ME2: variants seen among roughly 807,000 people sequenced by gnomAD.
The protein encoded by ME2 is malic enzyme 2, also known as NAD-dependent malic enzyme, mitochondrial.
A neutral mutation model predicts 73.7 loss-of-function variants in ME2; 60 were observed. The observed-to-expected ratio is 0.81, with a 90% CI of 0.66 to 1.01. The LOEUF is 1.01. Among genes scored for constraint, ME2 ranks in the 50% least tolerant of loss-of-function variants. The pLI is 0.00. For missense variants in ME2, 594 were observed against 705.5 expected, an observed-to-expected ratio of 0.84 and a Z score of 1.79; for synonymous variants, 199 against 236.9, an observed-to-expected ratio of 0.84 and a Z score of 1.47.
At chr18:50,901,259 A>T (rs1916882651) in intron 2 of ME2, among the ~76,000 whole-genome samples, 1 of 152,220 alleles carries the variant, frequency 6.6e-6, no homozygotes, top group Non-Finnish European at 1.5e-5. Flanking sequence ...GTGTAAATGG[A>T]TTCTATCTCC....
rs1233957543 is a variant in ME2, at chr18:50,900,487, T to G, written c.108+4559T>G. 1.3e-5 allele frequency among the ~76,000 whole-genome samples: 2 copies of G among 151,572 alleles called. 1 individual carries two copies. The highest frequency in any genetic ancestry group is 6.3e-3 in the Middle Eastern group (2 of 316). On this transcript the variant is annotated intron_variant, in intron 2 of 15. Transcript: ENST00000321341. ...TTTTTTGTATTTTTAGTAGAGATGG[T>G]GTTTCACTGTGGTCGCGATCTGCTG... is the stretch of plus-strand genomic sequence containing the variant.
chr18:50,946,394 C>A (rs1918083236), intron 15 of ME2, among the ~76,000 whole-genome samples: 1 of 152,150 alleles, frequency 6.6e-6, no homozygotes, highest in Non-Finnish European at 1.5e-5. Context: ...AAGTAACTAC[C>A]TTGGGCAAGT....
intron 12 of ME2, among the ~76,000 whole-genome samples, chr18:50,927,496 C>T (rs1409813224): frequency 4.6e-5 from 7 of 151,498 alleles, no homozygotes; most frequent in Non-Finnish European, 8.8e-5. Flanking sequence ...GTCAGGAGAT[C>T]GAGACCATCC....
intron 6 of ME2, 130 bp downstream of exon 6, chr18:50,917,638 C>T: frequency 3.9e-6 from 2 of 518,770 alleles, no homozygotes. Flanking sequence ...TTAAACTCCA[C>T]TTTTAATATT....
At chr18:50,885,547 A>C (rs1405044554) in intron 1 of ME2, among the ~76,000 whole-genome samples, 1 of 152,114 alleles carries the variant, frequency 6.6e-6, no homozygotes, top group East Asian at 1.9e-4. Context: ...AACTTTTTTT[A>C]AATGACAATT....
chr18:50,895,388 T>A (rs1466022284), intron 1 of ME2, among the ~76,000 whole-genome samples: 1 of 152,218 alleles, frequency 6.6e-6, no homozygotes, highest in Non-Finnish European at 1.5e-5. Context: ...AGATTAAGAA[T>A]CAGGATAGTT....
chr18:50,914,831 C>G (rs1401591869), intron 4 of ME2, among the ~76,000 whole-genome samples: 2 of 152,124 alleles, frequency 1.3e-5, no homozygotes, highest in Admixed American at 6.5e-5. Flanking sequence ...TGTTCTAGAA[C>G]CTGCGTTTCT....
At chr18:50,939,872 C>G in intron 14 of ME2, 1 of 479,298 alleles carries the variant, frequency 2.1e-6, no homozygotes, top group Non-Finnish European at 3.7e-6. Flanking sequence ...ACTATACTTG[C>G]AATTTGTATA....
In ME2 at chr18:50,947,476, C is replaced by CT. The variant is rs570860799; in HGVS notation, c.*293dup. On this transcript the variant is annotated 3_prime_UTR_variant, in exon 16 of 16. Coordinates refer to ENST00000321341, the MANE Select transcript of ME2 (RefSeq NM_002396.5). ...GTTTGTGAATGTCTTCACTTGTACT[C>CT]TAATTCAGACTTGCCAAAGTATTTG... The CT allele has an allele frequency of 5.1e-4, 142 of 279,862 alleles. No homozygotes were observed. The highest frequency in any genetic ancestry group is 2.8e-3 in the African/African-American group (130 of 45,970). 17.3% of individuals were successfully genotyped at this position (279,862 alleles called of 1,614,324 possible).
rs1431504784 is a variant in ME2 at position 50,951,516 on chromosome 18, T to C, written c.*4332T>C. On this transcript the variant is annotated 3_prime_UTR_variant, in exon 16 of 16. Coordinates refer to ENST00000321341, the MANE Select transcript of ME2 (RefSeq NM_002396.5). ...TTATGACAGAGGTTATAATATTCTT[T>C]TCTCCTCTCTTCTTTGACGTGTTAC... 2.6e-5 allele frequency: 4 copies of C among 151,764 alleles called. No homozygotes were observed. The highest frequency in any genetic ancestry group is 5.9e-5 in the Non-Finnish European group (4 of 67,972). The allele number at this position is 151,764 out of a possible 1,614,324, so 9.4% of individuals were successfully genotyped here. A position where few individuals can be genotyped will look rare whatever the true frequency, so the allele number is the denominator to read the frequency against.
At chr18:50,916,439 G>A in intron 5 of ME2, 196 bp downstream of exon 5, 2 of 432,960 alleles carry the variant, frequency 4.6e-6, no homozygotes. Context: ...GTTTGACTCT[G>A]AGAAAGAAAT....
chr18:50,898,676 G>A (rs71357263), intron 2 of ME2, among the ~76,000 whole-genome samples: 8 of 151,992 alleles, frequency 5.3e-5, no homozygotes, highest in South Asian at 2.1e-4. Flanking sequence ...CAGGTGATCC[G>A]CCTGCCTTGG....
intron 12 of ME2, among the ~76,000 whole-genome samples, chr18:50,929,938 A>C (rs1349716188): frequency 6.6e-6 from 1 of 152,200 alleles, no homozygotes; most frequent in Non-Finnish European, 1.5e-5. Context: ...TGTTTTTTGT[A>C]TAAATATTAT....
rs10636386 is a variant in ME2, at chr18:50,946,110, T to TTAAATAAATAAATAAA, written c.1588-890_1588-875dup. Among the ~76,000 whole-genome samples the TTAAATAAATAAATAAA allele has an allele frequency of 1.7e-3, 252 of 149,038 alleles. 1 individual carries two copies. Among genetic ancestry groups the TTAAATAAATAAATAAA allele is most frequent in the Admixed American group, 5.3e-3 (79 of 14,908 alleles). The stretch of plus-strand genomic sequence containing the variant: ...ATCCATAACAGAGCAAGGCTCCATC[T>TTAAATAAATAAATAAA]TAAATAAATAAATAAATAAATAAAT... On this transcript the variant is annotated intron_variant, in intron 15 of 15. Transcript: ENST00000321341.
chr18:50,891,213 A>C (rs1382388326), intron 1 of ME2, among the ~76,000 whole-genome samples: 1 of 152,196 alleles, frequency 6.6e-6, no homozygotes, highest in African/African-American at 2.4e-5. Flanking sequence ...TATTTTACCA[A>C]CAATTTTTAA....
rs368401450 is a variant in ME2, at chr18:50,939,561, G to A, written c.1418-9G>A. 1.6e-4 allele frequency: 254 copies of A among 1,598,242 alleles called. No individual in the cohort carries two copies. Among genetic ancestry groups the A allele is most frequent in the Admixed American group, 1.2e-3 (73 of 59,518 alleles). ...TGACCATACTAGTAAACTTTAAAATGTGTTCTAGGTGTGGCTTTAGCTGTT... is the reference window on the plus strand; with the variant it reads ...TGACCATACTAGTAAACTTTAAAATATGTTCTAGGTGTGGCTTTAGCTGTT... On this transcript the variant is annotated splice_polypyrimidine_tract_variant and intron_variant, in intron 13 of 15. Transcript: ENST00000321341.
intron 3 of ME2, among the ~76,000 whole-genome samples, chr18:50,909,051 T>A (rs1917086785): frequency 1.3e-5 from 2 of 151,412 alleles, no homozygotes; most frequent in African/African-American, 2.4e-5. Flanking sequence ...CCTCCCGGGC[T>A]CAAGCAGTTC....
intron 12 of ME2, among the ~76,000 whole-genome samples, chr18:50,927,721 C>CATATATATATAT (rs368161371): frequency 0.019 from 1,611 of 85,250 alleles, 20 homozygotes; most frequent in African/African-American, 0.024. Context: ...CCCAAAAAAC[C>CATATATATATAT]ATATATATAT....
At chr18:50,888,492 A>G (rs902776558) in intron 1 of ME2, among the ~76,000 whole-genome samples, 1 of 152,248 alleles carries the variant, frequency 6.6e-6, no homozygotes, top group Non-Finnish European at 1.5e-5. Context: ...AGGAAGGGAA[A>G]ACAAAATAAA....
Sources: allele counts gnomAD v4.1 joint callset (sites outside exome capture counted in the v4.1 genomes callset), GRCh38; gene constraint gnomAD v4.1.1; transcripts MANE v1.5; gene names NCBI Gene and HGNC (gene_info 2026-07-23, HGNC 2026-07-21).